The following CCSER1 variants were observed in gnomAD, a reference collection of about 807,000 sequenced individuals.
CCSER1 encodes the protein coiled-coil serine rich protein 1, also known as serine-rich coiled-coil domain-containing protein 1.
In CCSER1, 41 loss-of-function variants were observed where a neutral mutation model predicts 82.0. The observed-to-expected ratio is 0.50, with a 90% CI of 0.39 to 0.65. The LOEUF is 0.65. Among genes scored for constraint, CCSER1 ranks in the 30% least tolerant of loss-of-function variants. The probability of loss-of-function intolerance (pLI) is 0.00; values close to 1 mark genes in which losing one functional copy is unlikely to be tolerated. For missense variants in CCSER1, 1,119 were observed against 1,064.2 expected, an observed-to-expected ratio of 1.05 and a Z score of -0.72; for synonymous variants, 414 against 383.9, an observed-to-expected ratio of 1.08 and a Z score of -0.92.
chr4:90,243,620 T>C (rs549701927), intron 1 of CCSER1, among the ~76,000 whole-genome samples: 1 of 152,106 alleles, frequency 6.6e-6, no homozygotes, highest in African/African-American at 2.4e-5. Context: ...ACTCCTGGCC[T>C]CAAACAATCC....
intron 4 of CCSER1, among the ~76,000 whole-genome samples, chr4:90,443,191 G>T (rs968781349): frequency 3.9e-5 from 6 of 152,068 alleles, no homozygotes; most frequent in Admixed American, 1.3e-4. Flanking sequence ...CTCAGCATAT[G>T]ATTTTTTTTG....
chr4:90,906,331 G>T (rs943509527), intron 8 of CCSER1, among the ~76,000 whole-genome samples: 1 of 152,042 alleles, frequency 6.6e-6, no homozygotes, highest in African/African-American at 2.4e-5. Flanking sequence ...TATACAGTTT[G>T]TCTGGTGAAG....
chr4:90,529,234 C>T (rs549883779), intron 5 of CCSER1, among the ~76,000 whole-genome samples: 8 of 151,276 alleles, frequency 5.3e-5, no homozygotes, highest in Admixed American at 4.6e-4. Flanking sequence ...TATTTTTTTG[C>T]GAGTGAGTCT....
chr4:90,236,138 AC>A (rs2153431534), intron 1 of CCSER1, among the ~76,000 whole-genome samples: 1 of 152,214 alleles, frequency 6.6e-6, no homozygotes, highest in South Asian at 2.1e-4. Flanking sequence ...GATGTTGCTC[AC>A]GCTGCTCTTG....
chr4:91,126,644 A>G (rs1380058670), intron 10 of CCSER1, among the ~76,000 whole-genome samples: 1 of 152,032 alleles, frequency 6.6e-6, no homozygotes, highest in East Asian at 1.9e-4. Flanking sequence ...CATATAAATT[A>G]TTTAAAGATG....
chr4:91,161,522 T>A (rs887765457), intron 10 of CCSER1, among the ~76,000 whole-genome samples: 2 of 152,230 alleles, frequency 1.3e-5, no homozygotes, highest in Admixed American at 6.5e-5. Flanking sequence ...ATATTGATTC[T>A]TGCTGTACAT....
At chr4:90,321,491 TCC>T (rs1737149227) in intron 3 of CCSER1, among the ~76,000 whole-genome samples, 36 of 152,220 alleles carry the variant, frequency 2.4e-4, no homozygotes, top group Admixed American at 2.4e-3. Context: ...TGATTGCATG[TCC>T]TGGCTATTGT....
intron 9 of CCSER1, among the ~76,000 whole-genome samples, chr4:91,061,240 T>C (rs1294108968): frequency 2.0e-5 from 3 of 151,944 alleles, no homozygotes; most frequent in Non-Finnish European, 2.9e-5. Flanking sequence ...TTAAATGACT[T>C]ATGTAATACT....
intron 9 of CCSER1, among the ~76,000 whole-genome samples, chr4:90,937,474 A>G (rs2150316821): frequency 9.9e-6 from 1 of 101,430 alleles, no homozygotes; most frequent in South Asian, 2.8e-4. Context: ...TGTATTTCTA[A>G]TTTGAAACAC....
intron 10 of CCSER1, among the ~76,000 whole-genome samples, chr4:91,147,952 G>A (rs1409207112): frequency 2.0e-5 from 3 of 152,034 alleles, no homozygotes; most frequent in African/African-American, 7.2e-5. Context: ...TTTTTAATAT[G>A]CTCTATATAT....
intron 5 of CCSER1, among the ~76,000 whole-genome samples, chr4:90,611,061 T>TTTTTTTTC (rs1785426487): frequency 7.9e-6 from 1 of 127,084 alleles, no homozygotes; most frequent in African/African-American, 3.3e-5. Flanking sequence ...TTTCTTTTCT[T>TTTTTTTTC]TTTTTTTTTT....
At chr4:91,354,152 T>C (rs939697515) in intron 10 of CCSER1, among the ~76,000 whole-genome samples, 2 of 152,214 alleles carry the variant, frequency 1.3e-5, no homozygotes, top group East Asian at 3.9e-4. Flanking sequence ...AACCGTATGA[T>C]TCAGTTGAGC....
intron 10 of CCSER1, among the ~76,000 whole-genome samples, chr4:91,526,592 G>T (rs1464297083): frequency 6.6e-6 from 1 of 152,020 alleles, no homozygotes; most frequent in African/African-American, 2.4e-5. Flanking sequence ...CTTTTCTTCA[G>T]ATCATATACT....
At chr4:91,358,792 G>A (rs1749042602) in intron 10 of CCSER1, among the ~76,000 whole-genome samples, 1 of 152,102 alleles carries the variant, frequency 6.6e-6, no homozygotes, top group African/African-American at 2.4e-5. Flanking sequence ...CTGGCGAGGT[G>A]TTCCACTGGG....
chr4:90,487,144 T>C (rs1767230030), intron 5 of CCSER1, among the ~76,000 whole-genome samples: 2 of 152,232 alleles, frequency 1.3e-5, no homozygotes, highest in Non-Finnish European at 2.9e-5. Flanking sequence ...ACTCCTGACC[T>C]CAGGTGATCC....
intron 10 of CCSER1, among the ~76,000 whole-genome samples, chr4:91,443,912 G>C (rs1755382697): frequency 6.6e-6 from 1 of 151,734 alleles, no homozygotes; most frequent in South Asian, 2.1e-4. Flanking sequence ...CCTAAAATTA[G>C]TAAGAATAAA....
chr4:91,089,119 A>G (rs756493329), intron 10 of CCSER1, among the ~76,000 whole-genome samples: 3 of 152,072 alleles, frequency 2.0e-5, no homozygotes, highest in Non-Finnish European at 4.4e-5. Context: ...TGAGTGCACA[A>G]TTTCTGTCCC....
intron 9 of CCSER1, among the ~76,000 whole-genome samples, chr4:90,990,691 A>C (rs1483102456): frequency 6.6e-6 from 1 of 151,932 alleles, no homozygotes; most frequent in Non-Finnish European, 1.5e-5. Flanking sequence ...CAAATCTGTA[A>C]GTACAATACA....
At chr4:91,593,425 A>C (rs1477254078) in intron 10 of CCSER1, among the ~76,000 whole-genome samples, 1 of 149,424 alleles carries the variant, frequency 6.7e-6, no homozygotes, top group Non-Finnish European at 1.5e-5. Flanking sequence ...TTTTAATATT[A>C]ATGAAATAAA....
Sources: gnomAD v4.1 joint callset for allele counts (sites outside exome capture counted in the v4.1 genomes callset) on GRCh38, gnomAD v4.1.1 for gene constraint, MANE v1.5 for transcripts, NCBI Gene and HGNC (gene_info 2026-07-23, HGNC 2026-07-21) for gene names.